The following CD226 variants were observed in gnomAD, a reference collection of about 807,000 sequenced individuals.
The protein encoded by CD226 is CD226 molecule, also known as CD226 antigen.
In CD226, 24 loss-of-function variants were observed where a neutral mutation model predicts 34.9. The observed-to-expected ratio is 0.69, with a 90% CI of 0.50 to 0.97. The LOEUF (loss-of-function observed/expected upper bound fraction) is 0.97, where lower values mean the gene tolerates loss of function less well. Among genes scored for constraint, CD226 ranks in the 50% least tolerant of loss-of-function variants. The pLI is 0.00. For missense variants in CD226, 397 were observed against 412.7 expected (o/e 0.96, Z 0.33); for synonymous variants, 148 against 147.4 (o/e 1.00, Z -0.03).
chr18:69,878,728 CAT>C (rs891011082), intron 3 of CD226, among the ~76,000 whole-genome samples: 3 of 152,130 alleles, frequency 2.0e-5, no homozygotes, highest in African/African-American at 7.2e-5. Context: ...TGAAAGAAAA[CAT>C]GTGGTTTTCG....
At chr18:69,881,413 A>T (rs1386095637) in intron 3 of CD226, among the ~76,000 whole-genome samples, 1 of 152,230 alleles carries the variant, frequency 6.6e-6, no homozygotes, top group Non-Finnish European at 1.5e-5. Flanking sequence ...CTTGGGGCCT[A>T]GTCCTGTCTT....
In CD226 at chr18:69,930,169, T is replaced by TA. The variant is rs200152295; in HGVS notation, c.382+16564dup. 4.9e-3 allele frequency among the ~76,000 whole-genome samples: 750 copies of TA among 152,226 alleles called. 4 individuals carry two copies. Among genetic ancestry groups the TA allele is most frequent in the African/African-American group, 0.017 (720 of 41,532 alleles). ...AAGCATCTAGATGACAAATATTTTT[T>TA]AAAAAATACAAAGAGGTAAAAGATG... On this transcript the variant is annotated intron_variant, in intron 2 of 5. Transcript: ENST00000582621.
chr18:69,901,627 T>C (rs2055184517), intron 2 of CD226, among the ~76,000 whole-genome samples: 1 of 151,896 alleles, frequency 6.6e-6, no homozygotes, highest in South Asian at 2.1e-4. Flanking sequence ...ACACCTGTAA[T>C]CCAGCACTTT....
chr18:69,866,331 T>C (rs925017990), intron 5 of CD226, among the ~76,000 whole-genome samples: 3 of 152,028 alleles, frequency 2.0e-5, no homozygotes, highest in African/African-American at 7.2e-5. Context: ...AAGGAAGAGA[T>C]TTGAAGTATA....
At position 69,855,671 on chromosome 18, in the gene CD226, G is replaced by A. The variant is rs1338813004; in HGVS notation, c.*8643C>T. The A allele has an allele frequency of 1.3e-5, 2 of 152,030 alleles. No individual in the cohort carries two copies. Among genetic ancestry groups the A allele is most frequent in the African/African-American group, 2.4e-5 (1 of 41,388 alleles). 9.4% of individuals were successfully genotyped at this position (152,030 alleles called of 1,614,324 possible). ...AGGAGAAAAACCTAGGTTGATCAAT[G>A]AAAGATATGCCACGAGAGAAAATTA... On this transcript the variant is annotated 3_prime_UTR_variant, in exon 6 of 6. Coordinates refer to ENST00000582621, the MANE Select transcript of CD226 (RefSeq NM_001303618.2).
At chr18:69,902,953 T>C (rs2055206206) in intron 2 of CD226, among the ~76,000 whole-genome samples, 2 of 152,142 alleles carry the variant, frequency 1.3e-5, no homozygotes, top group East Asian at 3.9e-4. Flanking sequence ...CCCAAATAAA[T>C]GCAAAATGAA....
chr18:69,867,048 T>C (rs980162351), intron 5 of CD226, among the ~76,000 whole-genome samples: 15 of 152,160 alleles, frequency 9.9e-5, no homozygotes, highest in Admixed American at 9.2e-4. Context: ...GCCACCCCGT[T>C]TTGGTAATTT....
intron 2 of CD226, among the ~76,000 whole-genome samples, chr18:69,919,838 G>T (rs1409609950): frequency 6.6e-6 from 1 of 151,530 alleles, no homozygotes; most frequent in Non-Finnish European, 1.5e-5. Flanking sequence ...TAAGAAGCAT[G>T]AGTTATCCTC....
chr18:69,943,615 A>T (rs1238986164), intron 2 of CD226, among the ~76,000 whole-genome samples: 1 of 152,218 alleles, frequency 6.6e-6, no homozygotes, highest in Non-Finnish European at 1.5e-5. Context: ...TACAAAGGCC[A>T]AGGTCTCCTT....
chr18:69,931,634 TC>T, intron 2 of CD226, among the ~76,000 whole-genome samples: 1 of 152,294 alleles, frequency 6.6e-6, no homozygotes, highest in South Asian at 2.1e-4. Context: ...GGAGCAGTGT[TC>T]CAGCAATTTC....
chr18:69,901,650 C>A (rs940744066), intron 2 of CD226, among the ~76,000 whole-genome samples: 1 of 151,940 alleles, frequency 6.6e-6, no homozygotes. Flanking sequence ...GAGGCCGAGG[C>A]AGGCAGATCA....
chr18:69,954,566 G>A (rs1469407492), intron 1 of CD226, among the ~76,000 whole-genome samples: 1 of 152,062 alleles, frequency 6.6e-6, no homozygotes, highest in Non-Finnish European at 1.5e-5. Context: ...TCCACTCTCG[G>A]TGGTTTCTAT....
At chr18:69,930,131 G>A (rs1568198902) in intron 2 of CD226, among the ~76,000 whole-genome samples, 1 of 152,140 alleles carries the variant, frequency 6.6e-6, no homozygotes, top group African/African-American at 2.4e-5. Flanking sequence ...ATTCAGATCA[G>A]ACTTTCAGGT....
upstream of CD226, among the ~76,000 whole-genome samples, chr18:69,959,897 G>A (rs11151550): frequency 5.8e-4 from 88 of 152,236 alleles, no homozygotes; most frequent in African/African-American, 1.7e-3. Flanking sequence ...CCTCTTCCCC[G>A]AGTAGCTGAG....
chr18:69,934,308 A>ACACG (rs1420802482), intron 2 of CD226, among the ~76,000 whole-genome samples: 18 of 150,904 alleles, frequency 1.2e-4, no homozygotes, highest in Non-Finnish European at 1.8e-4. Context: ...ACACACACAC[A>ACACG]CACGCACGCA....
chr18:69,866,174 A>G (rs1021486052), intron 5 of CD226, among the ~76,000 whole-genome samples: 5 of 152,210 alleles, frequency 3.3e-5, no homozygotes, highest in Admixed American at 1.3e-4. Context: ...CGCCACCCTC[A>G]TGATCTAATT....
chr18:69,924,563 A>AT (rs1347994784), intron 2 of CD226, among the ~76,000 whole-genome samples: 2 of 151,284 alleles, frequency 1.3e-5, no homozygotes, highest in African/African-American at 2.4e-5. Context: ...AAAAAAAAAA[A>AT]CCAAAACATG....
At position 69,936,532 on chromosome 18, in the gene CD226, T is replaced by C. The variant is rs549440562; in HGVS notation, c.382+10202A>G. On this transcript the variant is annotated intron_variant, in intron 2 of 5. Transcript: ENST00000582621. ...GAGATTTTTAAGCCTTTAAAATGTTTCTGCTTCATCCCTTGTGGATTCCTT... is the reference window on the plus strand; with the variant it reads ...GAGATTTTTAAGCCTTTAAAATGTTCCTGCTTCATCCCTTGTGGATTCCTT... Among the ~76,000 whole-genome samples the C allele has an allele frequency of 5.3e-5, 8 of 152,358 alleles. No individual in the cohort carries two copies. The South Asian group carries it at 1.0e-3, about 20-fold the overall frequency.
intron 4 of CD226, among the ~76,000 whole-genome samples, chr18:69,870,541 C>T (rs1030749002): frequency 1.3e-5 from 2 of 152,156 alleles, no homozygotes; most frequent in Non-Finnish European, 2.9e-5. Context: ...TCCCAAAGTG[C>T]TGGGATTACA....
Sources: allele counts gnomAD v4.1 joint callset (sites outside exome capture counted in the v4.1 genomes callset), GRCh38; gene constraint gnomAD v4.1.1; transcripts MANE v1.5; gene names NCBI Gene and HGNC (gene_info 2026-07-23, HGNC 2026-07-21).